The following PRIMA1 variants were observed in gnomAD, a reference collection of about 807,000 sequenced individuals.
PRIMA1 encodes proline rich membrane anchor 1, also known as proline-rich membrane anchor 1.
A neutral mutation model predicts 17.5 loss-of-function variants in PRIMA1; 7 were observed. The observed-to-expected ratio is 0.40, with a 90% CI of 0.23 to 0.75. The LOEUF (loss-of-function observed/expected upper bound fraction) is 0.75, where lower values mean the gene tolerates loss of function less well. PRIMA1 is among the 30% of genes least tolerant of loss of function. The pLI is 0.37. For missense variants in PRIMA1, 200 were observed against 201.8 expected, an observed-to-expected ratio of 0.99 and a Z score of 0.05; for synonymous variants, 97 against 77.9, an observed-to-expected ratio of 1.25 and a Z score of -1.29.
intron 3 of PRIMA1, among the ~76,000 whole-genome samples, chr14:93,758,475 T>A (rs1258871344): frequency 2.0e-5 from 3 of 151,552 alleles, no homozygotes; most frequent in African/African-American, 7.3e-5. Flanking sequence ...GGTGTGCACC[T>A]GTAATCCCAG....
intron 3 of PRIMA1, among the ~76,000 whole-genome samples, chr14:93,748,483 C>T (rs1035174151): frequency 1.3e-5 from 2 of 152,146 alleles, no homozygotes; most frequent in Non-Finnish European, 2.9e-5. Flanking sequence ...GAGGAGGCGA[C>T]GTTCAAGCTG....
intron 3 of PRIMA1, among the ~76,000 whole-genome samples, chr14:93,747,999 AGT>A (rs1447812972): frequency 3.1e-5 from 4 of 128,092 alleles, no homozygotes; most frequent in East Asian, 2.4e-4. Context: ...TGAGTGGGAG[AGT>A]GTATATGAGT....
intron 3 of PRIMA1, among the ~76,000 whole-genome samples, chr14:93,744,076 G>A (rs1039718824): frequency 6.6e-6 from 1 of 152,222 alleles, no homozygotes; most frequent in African/African-American, 2.4e-5. Context: ...TTTGGACAGA[G>A]GCAGAAACTG....
At chr14:93,760,249 A>C (rs1176324856) in intron 3 of PRIMA1, among the ~76,000 whole-genome samples, 3 of 152,112 alleles carry the variant, frequency 2.0e-5, no homozygotes, top group Non-Finnish European at 4.4e-5. Context: ...TCTCCGTGAG[A>C]TTCATTGTCC....
At chr14:93,738,139 C>T (rs1039038527) in intron 3 of PRIMA1, among the ~76,000 whole-genome samples, 2 of 152,202 alleles carry the variant, frequency 1.3e-5, no homozygotes, top group South Asian at 4.1e-4. Context: ...AAAAGTGTCA[C>T]TGACAAGGCA....
intron 3 of PRIMA1, among the ~76,000 whole-genome samples, chr14:93,752,066 G>A (rs889003680): frequency 5.3e-5 from 8 of 152,248 alleles, no homozygotes; most frequent in Admixed American, 3.3e-4. Context: ...TGGGAGGTGG[G>A]ATGCTCGCTT....
chr14:93,742,099 A>G (rs1054852385), intron 3 of PRIMA1, among the ~76,000 whole-genome samples: 8 of 152,234 alleles, frequency 5.3e-5, no homozygotes, highest in Non-Finnish European at 1.2e-4. Context: ...GCCAAGATGG[A>G]GTAACAGGGG....
At chr14:93,778,561 A>G (rs1046022879) in intron 3 of PRIMA1, among the ~76,000 whole-genome samples, 4 of 152,368 alleles carry the variant, frequency 2.6e-5, no homozygotes, top group African/African-American at 9.6e-5. Flanking sequence ...TCCTTTGGAG[A>G]GACCTTATCA....
chr14:93,723,928 T>C (rs2076058624), intron 4 of PRIMA1, among the ~76,000 whole-genome samples: 1 of 152,204 alleles, frequency 6.6e-6, no homozygotes, highest in Non-Finnish European at 1.5e-5. Flanking sequence ...GGTCTTGCTC[T>C]GTTGCCTAGG....
intron 4 of PRIMA1, among the ~76,000 whole-genome samples, chr14:93,727,130 T>A (rs146831192): frequency 6.6e-6 from 1 of 152,158 alleles, no homozygotes; most frequent in Non-Finnish European, 1.5e-5. Context: ...CAGACAAGCG[T>A]CCTCACAGCC....
intron 3 of PRIMA1, among the ~76,000 whole-genome samples, chr14:93,739,345 C>T (rs2076170628): frequency 1.3e-5 from 2 of 152,134 alleles, no homozygotes; most frequent in African/African-American, 4.8e-5. Flanking sequence ...AGCCACTGTG[C>T]CTGGCCACAA....
intron 4 of PRIMA1, among the ~76,000 whole-genome samples, chr14:93,736,628 A>G (rs542567523): frequency 2.6e-5 from 4 of 152,130 alleles, no homozygotes; most frequent in African/African-American, 9.7e-5. Flanking sequence ...CTCCTGGTCT[A>G]TTGGCTTTCT....
intron 3 of PRIMA1, among the ~76,000 whole-genome samples, chr14:93,756,214 A>C (rs1175880823): frequency 6.6e-6 from 1 of 152,150 alleles, no homozygotes; most frequent in African/African-American, 2.4e-5. Flanking sequence ...TAAGATAAGA[A>C]ATATCTTTGA....
Position 93,731,271 on chromosome 14 carries a change from A to C in PRIMA1, c.359+5970T>G, listed in dbSNP as rs192618474. Among the ~76,000 whole-genome samples the C allele has an allele frequency of 2.0e-5, 3 of 152,332 alleles. No homozygotes were observed. In the East Asian group the frequency reaches 5.8e-4, roughly 29 times the overall value. ...CTGGCCTTGGTATCTTCCACAGTGG[A>C]AAGTAAATAGATGGTGCTTAAAATG... On this transcript the variant is annotated intron_variant, in intron 4 of 4. Coordinates refer to ENST00000393140, the MANE Select transcript of PRIMA1 (RefSeq NM_178013.4).
chr14:93,779,472 G>A (rs879384543), intron 2 of PRIMA1, among the ~76,000 whole-genome samples, 161 bp from the exon 3 acceptor site: 3 of 152,192 alleles, frequency 2.0e-5, no homozygotes, highest in Non-Finnish European at 2.9e-5. Flanking sequence ...TGGTTCAAAG[G>A]GGACAATGTT....
intron 2 of PRIMA1, among the ~76,000 whole-genome samples, chr14:93,783,102 G>A (rs1885428183): frequency 6.6e-6 from 1 of 152,152 alleles, no homozygotes; most frequent in East Asian, 1.9e-4. Context: ...ACTTCTGTCT[G>A]GGACATTTCC....
In PRIMA1 at chr14:93,774,788, G is replaced by C. The variant is rs112691394; in HGVS notation, c.229+4388C>G. Among the ~76,000 whole-genome samples, 407 of 152,302 alleles carry C rather than the reference G, an allele frequency of 2.7e-3. 2 individuals carry two copies. The highest frequency in any genetic ancestry group is 9.3e-3 in the African/African-American group (385 of 41,554). On this transcript the variant is annotated intron_variant, in intron 3 of 4. Coordinates refer to ENST00000393140, the MANE Select transcript of PRIMA1 (RefSeq NM_178013.4). ...CTCTTCATCAGAACGCTTTCCACAG[G>C]ACGATTACAGCAATGGATACCTGTC...
intron 3 of PRIMA1, among the ~76,000 whole-genome samples, chr14:93,741,510 G>A (rs753604111): frequency 6.6e-6 from 1 of 152,226 alleles, no homozygotes; most frequent in Non-Finnish European, 1.5e-5. Flanking sequence ...AGCAAACTGA[G>A]CACCCTCGGT....
chr14:93,788,590 G>A (rs1341039539), upstream of PRIMA1: 1 of 152,302 alleles, frequency 6.6e-6, no homozygotes, highest in Non-Finnish European at 1.5e-5. Flanking sequence ...GGCGCCCGGG[G>A]GCTTCACATG....
Sources: allele counts gnomAD v4.1 joint callset (sites outside exome capture counted in the v4.1 genomes callset), GRCh38; gene constraint gnomAD v4.1.1; transcripts MANE v1.5; gene names NCBI Gene and HGNC (gene_info 2026-07-23, HGNC 2026-07-21).